Variants in GPAT3 observed in about 807,000 individuals in gnomAD.
The protein encoded by GPAT3 is 1-AGP acyltransferase 9.
In GPAT3, 53 loss-of-function variants were observed where a neutral mutation model predicts 58.8. The observed-to-expected ratio is 0.90, with a 90% confidence interval of 0.72 to 1.13. The LOEUF (loss-of-function observed/expected upper bound fraction) is 1.13. Among genes scored for constraint, GPAT3 ranks in the 50% most tolerant of loss-of-function variants. The probability of loss-of-function intolerance (pLI) is 0.00; values close to 1 mark genes in which losing one functional copy is unlikely to be tolerated. For missense variants in GPAT3, 511 were observed against 527.6 expected, an observed-to-expected ratio of 0.97 and a Z score of 0.31; for synonymous variants, 197 against 187.4, an observed-to-expected ratio of 1.05 and a Z score of -0.42.
intron 2 of GPAT3, among the ~76,000 whole-genome samples, chr4:83,554,044 G>A (rs1200728354): frequency 2.6e-5 from 4 of 151,982 alleles, no homozygotes; most frequent in African/African-American, 7.3e-5. Context: ...AGGCTAGAGT[G>A]CAGTGGTAAG....
intron 5 of GPAT3, 77 bp downstream of exon 5, chr4:83,588,376 G>A (rs1726468753): frequency 1.4e-6 from 2 of 1,437,256 alleles, no homozygotes; most frequent in African/African-American, 2.8e-5. Flanking sequence ...ATTGGAAGTG[G>A]TTGGGAAGAA....
chr4:83,570,495 C>T (rs867723339), intron 2 of GPAT3, among the ~76,000 whole-genome samples: 19 of 125,114 alleles, frequency 1.5e-4, no homozygotes, highest in Admixed American at 3.5e-4. Flanking sequence ...TTTTTTGAGA[C>T]GGAGTCTTGC....
At chr4:83,578,971 T>TCTTTCTTG (rs1560620678) in intron 2 of GPAT3, among the ~76,000 whole-genome samples, 1 of 126,900 alleles carries the variant, frequency 7.9e-6, no homozygotes, top group African/African-American at 3.5e-5. Flanking sequence ...TTTCTTTCTT[T>TCTTTCTTG]CTTTCTTTCT....
At chr4:83,581,458 A>G in intron 2 of GPAT3, 104 bp from the exon 3 acceptor site, 1 of 1,261,268 alleles carries the variant, frequency 7.9e-7, no homozygotes, top group South Asian at 1.5e-5. Flanking sequence ...CATTAAACTT[A>G]TTTACTTGTT....
intron 2 of GPAT3, among the ~76,000 whole-genome samples, chr4:83,580,564 C>A (rs1726071324): frequency 6.6e-6 from 1 of 152,152 alleles, no homozygotes; most frequent in South Asian, 2.1e-4. Context: ...CCAACTTTGA[C>A]AAAGTTGCTA....
intron 6 of GPAT3, 114 bp downstream of exon 6, chr4:83,590,406 T>C: frequency 3.4e-6 from 3 of 889,938 alleles, no homozygotes; most frequent in Non-Finnish European, 5.3e-6. Context: ...GACTGCGTTA[T>C]ACTATTGTAG....
At chr4:83,599,048 T>G (rs1726961206) in intron 11 of GPAT3, among the ~76,000 whole-genome samples, 1 of 151,990 alleles carries the variant, frequency 6.6e-6, no homozygotes, top group Non-Finnish European at 1.5e-5. Context: ...CCTTTCAAAG[T>G]GCTGGGATTA....
In GPAT3 at chr4:83,536,355, G is replaced by C; in HGVS notation, c.-268G>C. 2 of 1,213,832 alleles carry C rather than the reference G, an allele frequency of 1.6e-6. No homozygotes were observed. Among genetic ancestry groups the C allele is most frequent in the Non-Finnish European group, 2.1e-6 (2 of 972,268 alleles). 75.2% of individuals were successfully genotyped at this position (1,213,832 alleles called of 1,614,324 possible). A position where few individuals can be genotyped will look rare whatever the true frequency, so the allele number is the denominator to read the frequency against. On this transcript the variant is annotated 5_prime_UTR_variant, in exon 1 of 12. Transcript: ENST00000264409. ...TCCGACCACTGGCTCGCGCTACCCA[G>C]GTCTCCGCACGCCGCGGTGGCTTCA... is the stretch of plus-strand genomic sequence containing the variant.
At chr4:83,557,024 AG>A (rs1724967214) in intron 2 of GPAT3, among the ~76,000 whole-genome samples, 2 of 152,142 alleles carry the variant, frequency 1.3e-5, no homozygotes, top group African/African-American at 4.8e-5. Flanking sequence ...CTTTCTTATA[AG>A]GGCAATAGTC....
intron 3 of GPAT3, among the ~76,000 whole-genome samples, chr4:83,586,540 A>G (rs1172269307): frequency 1.3e-5 from 2 of 152,244 alleles, no homozygotes. Context: ...AAGATGATTT[A>G]AAGAATCTTA....
chr4:83,541,715 C>G (rs1231052800), intron 1 of GPAT3, among the ~76,000 whole-genome samples: 1 of 152,152 alleles, frequency 6.6e-6, no homozygotes, highest in African/African-American at 2.4e-5. Flanking sequence ...TAACAAAGTA[C>G]CACAGACTGG....
chr4:83,548,615 T>C (rs886269477), intron 2 of GPAT3, among the ~76,000 whole-genome samples: 12 of 152,108 alleles, frequency 7.9e-5, no homozygotes, highest in Non-Finnish European at 4.4e-5. Context: ...TGGCTTGTCA[T>C]TTTGGCATTG....
chr4:83,550,253 G>A (rs1440466021), intron 2 of GPAT3, among the ~76,000 whole-genome samples: 1 of 151,786 alleles, frequency 6.6e-6, no homozygotes, highest in Non-Finnish European at 1.5e-5. Flanking sequence ...GGCTGGTCTT[G>A]AACTCCTGGG....
intron 2 of GPAT3, among the ~76,000 whole-genome samples, chr4:83,564,301 T>G (rs1725300433): frequency 6.6e-6 from 1 of 152,238 alleles, no homozygotes; most frequent in South Asian, 2.1e-4. Flanking sequence ...GTTTTCATGT[T>G]TAAGGGTCAG....
In GPAT3 at chr4:83,579,065, T is replaced by TC. The variant is rs1427585301; in HGVS notation, c.209-2496dup. ...TTCTTTCTTTCTTTCTTTCTTTCTT[T>TC]CTTTCTTTCTTTCTTCCCTTCCTTC... On this transcript the variant is annotated intron_variant, in intron 2 of 11. Coordinates refer to ENST00000264409, the MANE Select transcript of GPAT3 (RefSeq NM_032717.5). 2.8e-3 allele frequency among the ~76,000 whole-genome samples: 121 copies of TC among 42,988 alleles called. 24 individuals carry two copies. The highest frequency in any genetic ancestry group is 4.6e-3 in the Non-Finnish European group (101 of 21,912). The allele number at this position is 42,988 out of a possible 152,430, so 28.2% of individuals were successfully genotyped here. A position where few individuals can be genotyped will look rare whatever the true frequency, so the allele number is the denominator to read the frequency against.
intron 11 of GPAT3, among the ~76,000 whole-genome samples, chr4:83,602,096 A>G (rs572442222): frequency 6.6e-6 from 1 of 152,364 alleles, no homozygotes; most frequent in South Asian, 2.1e-4. Flanking sequence ...CAGATGTCCT[A>G]TAACCCATGG....
chr4:83,571,701 C>T (rs1285543943), intron 2 of GPAT3, among the ~76,000 whole-genome samples: 1 of 102,178 alleles, frequency 9.8e-6, no homozygotes, highest in East Asian at 4.0e-4. Flanking sequence ...TATATATACA[C>T]ACACACATAT....
chr4:83,585,331 A>C lies in GPAT3; in HGVS notation c.480-1924A>C, dbSNP rs184384473. ...ATCATGTTATTAAGTTATAATTATA[A>C]AATTGATAGTTATAATTATAAAATT... On this transcript the variant is annotated intron_variant, in intron 3 of 11. Transcript: ENST00000264409. 5.3e-3 allele frequency among the ~76,000 whole-genome samples: 800 copies of C among 149,804 alleles called. 7 individuals carry two copies. The highest frequency in any genetic ancestry group is 0.018 in the African/African-American group (730 of 41,122).
chr4:83,547,390 C>G (rs1390929312), intron 2 of GPAT3, among the ~76,000 whole-genome samples: 1 of 150,918 alleles, frequency 6.6e-6, no homozygotes, highest in Admixed American at 6.6e-5. Flanking sequence ...GTAGCTGGGA[C>G]TACAGGTGCC....
Sources: gnomAD v4.1 joint callset for allele counts (sites outside exome capture counted in the v4.1 genomes callset) on GRCh38, gnomAD v4.1.1 for gene constraint, MANE v1.5 for transcripts, NCBI Gene and HGNC (gene_info 2026-07-23, HGNC 2026-07-21) for gene names.